Variants in ZMYM2 observed in about 807,000 individuals in gnomAD.
The protein encoded by ZMYM2 is zinc finger MYM-type containing 2, also known as zinc finger MYM-type protein 2.
Under a neutral mutation model 162.8 loss-of-function variants are expected in ZMYM2, and 56 were observed. The ratio of observed to expected loss-of-function variants is 0.34; its 90% confidence interval spans 0.28 to 0.43. ZMYM2 has a LOEUF of 0.43. Ranked by LOEUF, ZMYM2 falls within the 20% of genes least tolerant of loss-of-function variation. The pLI is 1.00. For missense variants in ZMYM2, 1,275 were observed against 1,621.8 expected, an observed-to-expected ratio of 0.79 and a Z score of 3.67; for synonymous variants, 510 against 541.6, an observed-to-expected ratio of 0.94 and a Z score of 0.81.
intron 5 of ZMYM2, 88 bp from the exon 6 acceptor site, chr13:20,006,286 A>G (rs1304037606): frequency 6.4e-5 from 85 of 1,322,986 alleles, no homozygotes; most frequent in Non-Finnish European, 7.3e-5. Context: ...CCTTATTAGG[A>G]CATCTTTATT....
At chr13:19,928,308 T>C in the ZMYM2 span, among the ~76,000 whole-genome samples, 1 of 152,126 alleles carries the variant, frequency 6.6e-6, no homozygotes, top group Admixed American at 6.6e-5. Flanking sequence ...TGACCTGCCT[T>C]TTTTTTATTG....
the ZMYM2 span, among the ~76,000 whole-genome samples, chr13:19,922,601 T>C: frequency 6.6e-6 from 1 of 152,070 alleles, no homozygotes. Context: ...TCCCAGCACT[T>C]TGGGAGGCCG....
chr13:20,064,881 G>A (rs1033156856), intron 19 of ZMYM2, among the ~76,000 whole-genome samples: 8 of 151,832 alleles, frequency 5.3e-5, no homozygotes, highest in Admixed American at 2.0e-4. Flanking sequence ...ATTGATACAA[G>A]GTCAAAATAG....
chr13:20,057,643 C>T (rs1317205280), intron 14 of ZMYM2, among the ~76,000 whole-genome samples: 1 of 152,078 alleles, frequency 6.6e-6, no homozygotes, highest in Non-Finnish European at 1.5e-5. Flanking sequence ...GAGTTGATTT[C>T]AGTACAGTAG....
At chr13:20,051,032 C>G (rs1955277776) in intron 12 of ZMYM2, among the ~76,000 whole-genome samples, 1 of 152,028 alleles carries the variant, frequency 6.6e-6, no homozygotes, top group African/African-American at 2.4e-5. Flanking sequence ...TTACCTTTGT[C>G]TTGTACAACT....
At chr13:20,039,427 C>G (rs1954025748) in intron 12 of ZMYM2, among the ~76,000 whole-genome samples, 1 of 144,904 alleles carries the variant, frequency 6.9e-6, no homozygotes, top group Non-Finnish European at 1.5e-5. Context: ...ATAGATGACT[C>G]TTTATTATTT....
the ZMYM2 span, among the ~76,000 whole-genome samples, chr13:19,884,321 A>AC: frequency 6.6e-6 from 1 of 151,948 alleles, no homozygotes; most frequent in South Asian, 2.1e-4. Context: ...CGCTTGTTAT[A>AC]CCCCCGCACT....
chr13:20,001,812 A>T (rs1950413349), intron 3 of ZMYM2, among the ~76,000 whole-genome samples: 1 of 152,248 alleles, frequency 6.6e-6, no homozygotes, highest in Admixed American at 6.5e-5. Context: ...GAAAGATTAC[A>T]GCTTGATGAA....
intron 21 of ZMYM2, among the ~76,000 whole-genome samples, chr13:20,075,712 G>C (rs1237292920): frequency 2.0e-5 from 2 of 99,326 alleles, no homozygotes; most frequent in African/African-American, 9.0e-5. Context: ...TGGAGACAGA[G>C]TCTCTATCGC....
chr13:20,052,742 G>A (rs892383441), intron 14 of ZMYM2, among the ~76,000 whole-genome samples: 1 of 152,168 alleles, frequency 6.6e-6, no homozygotes, highest in African/African-American at 2.4e-5. Context: ...TGCCAGATAG[G>A]CATGAAAAGT....
At chr13:19,991,419 C>A (rs1032381738) in intron 2 of ZMYM2, among the ~76,000 whole-genome samples, 2 of 151,908 alleles carry the variant, frequency 1.3e-5, no homozygotes, top group Non-Finnish European at 2.9e-5. Context: ...TGTGTCTGGC[C>A]TGAGGTTATC....
chr13:19,948,297 A>G, the ZMYM2 span, among the ~76,000 whole-genome samples: 1 of 152,306 alleles, frequency 6.6e-6, no homozygotes, highest in African/African-American at 2.4e-5. Flanking sequence ...ACCCTTGCAC[A>G]TGGGTATTTA....
chr13:20,046,571 A>ATG lies in ZMYM2; in HGVS notation c.2293-4861_2293-4860insGT, dbSNP rs1363013515. On this transcript the variant is annotated intron_variant, in intron 12 of 24. Coordinates refer to ENST00000610343, the MANE Select transcript of ZMYM2 (RefSeq NM_197968.4). ...TTTGTCTCTAAAAAAAAAAATATAT[A>ATG]TATATATATATGTGTGTGTGTGTGT... is the stretch of plus-strand genomic sequence containing the variant. Among the ~76,000 whole-genome samples, 2 of 59,754 alleles carry ATG rather than the reference A, an allele frequency of 3.3e-5. 1 individual carries two copies. The highest frequency in any genetic ancestry group is 7.4e-5 in the Non-Finnish European group (2 of 26,996). 39.2% of individuals were successfully genotyped at this position (59,754 alleles called of 152,430 possible). A position where few individuals can be genotyped will look rare whatever the true frequency, so the allele number is the denominator to read the frequency against.
intron 22 of ZMYM2, 22 bp downstream of exon 22, chr13:20,082,152 G>C: frequency 6.6e-7 from 1 of 1,510,054 alleles, no homozygotes; most frequent in Non-Finnish European, 9.1e-7. Flanking sequence ...TTCACTAAAG[G>C]TGTTGCTCTC....
chr13:19,914,309 G>A, the ZMYM2 span, among the ~76,000 whole-genome samples: 3 of 152,190 alleles, frequency 2.0e-5, no homozygotes, highest in African/African-American at 7.2e-5. Context: ...CTCATTCTGT[G>A]GACACCAGTT....
intron 6 of ZMYM2, among the ~76,000 whole-genome samples, chr13:20,013,638 TAAA>T (rs1317050874): frequency 5.3e-5 from 8 of 152,198 alleles, no homozygotes; most frequent in Admixed American, 3.9e-4. Flanking sequence ...TTTTTAATCA[TAAA>T]AAGGTGTTGA....
At chr13:19,977,681 G>T (rs1422476586) in intron 2 of ZMYM2, among the ~76,000 whole-genome samples, 2 of 150,894 alleles carry the variant, frequency 1.3e-5, no homozygotes, top group African/African-American at 4.9e-5. Context: ...TAGTAGAGAC[G>T]GGGTTTCACT....
At chr13:19,928,114 T>A in the ZMYM2 span, among the ~76,000 whole-genome samples, 6 of 152,240 alleles carry the variant, frequency 3.9e-5, no homozygotes, top group South Asian at 1.0e-3. Flanking sequence ...CAAGCCATCC[T>A]CCCACCTCAG....
At chr13:20,054,554 G>A (rs898561693) in intron 14 of ZMYM2, among the ~76,000 whole-genome samples, 1 of 152,190 alleles carries the variant, frequency 6.6e-6, no homozygotes, top group African/African-American at 2.4e-5. Flanking sequence ...TCAACAGATG[G>A]TGGCTTTTGT....
Sources: gnomAD v4.1 joint callset for allele counts (sites outside exome capture counted in the v4.1 genomes callset) on GRCh38, gnomAD v4.1.1 for gene constraint, MANE v1.5 for transcripts, NCBI Gene and HGNC (gene_info 2026-07-23, HGNC 2026-07-21) for gene names.